SOX6: variants seen among roughly 807,000 people sequenced by gnomAD.
SOX6 encodes the protein SRY-box transcription factor 6.
SOX6 carries 11 observed loss-of-function variants against 97.8 expected under a neutral mutation model. The ratio of observed to expected loss-of-function variants is 0.11; its 90% confidence interval spans 0.07 to 0.19. The LOEUF (loss-of-function observed/expected upper bound fraction) is 0.19, where lower values mean the gene tolerates loss of function less well. SOX6 is among the 10% of genes least tolerant of loss of function. The probability of loss-of-function intolerance (pLI) is 1.00; values close to 1 mark genes in which losing one functional copy is unlikely to be tolerated. For synonymous variants in SOX6, 360 were observed against 371.4 expected, an observed-to-expected ratio of 0.97 and a Z score of 0.35; for missense variants, 810 against 1,039.5, an observed-to-expected ratio of 0.78 and a Z score of 3.04.
chr11:16,441,948 C>G (rs901403009), intron 1 of SOX6, among the ~76,000 whole-genome samples: 3 of 152,156 alleles, frequency 2.0e-5, no homozygotes, highest in African/African-American at 7.2e-5. Context: ...TTGGGTGCAA[C>G]AAACTTTAAA....
At chr11:16,243,055 C>G (rs560646835) in intron 3 of SOX6, among the ~76,000 whole-genome samples, 1 of 151,902 alleles carries the variant, frequency 6.6e-6, no homozygotes, top group African/African-American at 2.4e-5. Context: ...TTTTGACTTA[C>G]GAAAAACCCT....
At chr11:16,443,191 G>A (rs977602353) in intron 1 of SOX6, among the ~76,000 whole-genome samples, 24 of 151,964 alleles carry the variant, frequency 1.6e-4, no homozygotes, top group African/African-American at 5.3e-4. Context: ...CAGTTCTTCC[G>A]GACAAATTAC....
chr11:16,312,755 A>G (rs915719528), intron 3 of SOX6: 1 of 152,180 alleles, frequency 6.6e-6, no homozygotes, highest in Non-Finnish European at 1.5e-5. Flanking sequence ...TTTTTAAAGT[A>G]TTCATTTTCT....
chr11:16,738,085 C>G (rs1431252987), intron 1 of SOX6, among the ~76,000 whole-genome samples: 2 of 151,866 alleles, frequency 1.3e-5, no homozygotes, highest in African/African-American at 4.8e-5. Context: ...TCAACAACCG[C>G]CAATTAGCCA....
At chr11:16,656,275 AC>A (rs1260144871) in intron 3 of SOX6, among the ~76,000 whole-genome samples, 1 of 152,092 alleles carries the variant, frequency 6.6e-6, no homozygotes, top group Non-Finnish European at 1.5e-5. Flanking sequence ...ACAGGGTTTC[AC>A]CATGTTGGCC....
chr11:16,729,111 T>A (rs1487783858), intron 2 of SOX6, among the ~76,000 whole-genome samples: 1 of 152,206 alleles, frequency 6.6e-6, no homozygotes, highest in African/African-American at 2.4e-5. Flanking sequence ...TTGATGGGTG[T>A]ACCTGAAAGT....
intron 4 of SOX6, among the ~76,000 whole-genome samples, chr11:16,570,292 A>T (rs188249408): frequency 7.1e-4 from 108 of 152,264 alleles, no homozygotes; most frequent in African/African-American, 2.5e-3. Flanking sequence ...CCTGACATAC[A>T]GTCAGCAGCT....
chr11:16,149,269 T>A (rs1318605570), intron 6 of SOX6, among the ~76,000 whole-genome samples: 1 of 152,136 alleles, frequency 6.6e-6, no homozygotes, highest in Non-Finnish European at 1.5e-5. Flanking sequence ...AGTTATTTGC[T>A]GATTTTCCTA....
chr11:16,107,386 C>A (rs1849114161), intron 7 of SOX6, among the ~76,000 whole-genome samples: 1 of 143,170 alleles, frequency 7.0e-6, no homozygotes, highest in African/African-American at 2.7e-5. Flanking sequence ...GATCTGTATA[C>A]ATATATATGT....
chr11:16,245,688 G>A (rs1853315031), intron 3 of SOX6, among the ~76,000 whole-genome samples: 1 of 151,532 alleles, frequency 6.6e-6, no homozygotes, highest in African/African-American at 2.4e-5. Flanking sequence ...ATTATGAAAT[G>A]TCCTTCTTTA....
chr11:16,201,861 C>G (rs889758867), intron 4 of SOX6, among the ~76,000 whole-genome samples: 1 of 135,366 alleles, frequency 7.4e-6, no homozygotes, highest in Non-Finnish European at 1.5e-5. Context: ...TCTCGATCTC[C>G]TGACCTCGTG....
intron 12 of SOX6, among the ~76,000 whole-genome samples, chr11:16,040,255 C>T (rs1461670898): frequency 6.6e-6 from 1 of 151,988 alleles, no homozygotes; most frequent in Non-Finnish European, 1.5e-5. Flanking sequence ...TATAAATTCT[C>T]ACCATTTTTT....
chr11:16,297,739 G>A (rs1855140026), intron 3 of SOX6, among the ~76,000 whole-genome samples: 1 of 152,132 alleles, frequency 6.6e-6, no homozygotes, highest in African/African-American at 2.4e-5. Context: ...AGACAAGCAG[G>A]TTGTCTGAAT....
At chr11:16,634,539 A>G (rs1014543230) in intron 3 of SOX6, among the ~76,000 whole-genome samples, 1 of 152,162 alleles carries the variant, frequency 6.6e-6, no homozygotes, top group African/African-American at 2.4e-5. Context: ...ATTTATTTTA[A>G]TTTATTGTAT....
At chr11:16,383,825 G>A (rs1388902940) in intron 1 of SOX6, among the ~76,000 whole-genome samples, 1 of 151,936 alleles carries the variant, frequency 6.6e-6, no homozygotes, top group African/African-American at 2.4e-5. Flanking sequence ...TAATAAAAGA[G>A]TATGGGAGGA....
intron 9 of SOX6, among the ~76,000 whole-genome samples, chr11:16,060,423 G>A (rs917970419): frequency 2.6e-5 from 4 of 152,000 alleles, no homozygotes; most frequent in African/African-American, 7.2e-5. Flanking sequence ...CCTTTTCAAA[G>A]CTGAGTAAAC....
intron 4 of SOX6, among the ~76,000 whole-genome samples, chr11:16,574,492 A>C (rs1042207900): frequency 6.6e-6 from 1 of 152,170 alleles, no homozygotes; most frequent in Non-Finnish European, 1.5e-5. Context: ...CTTCAGGTGT[A>C]TTCAAGGTCA....
At chr11:16,371,384 T>G (rs1857490756) in intron 1 of SOX6, among the ~76,000 whole-genome samples, 1 of 152,122 alleles carries the variant, frequency 6.6e-6, no homozygotes, top group South Asian at 2.1e-4. Context: ...ACCTCCACCC[T>G]GGGTGCTCCC....
intron 3 of SOX6, among the ~76,000 whole-genome samples, chr11:16,252,126 A>T (rs1041859825): frequency 6.6e-6 from 1 of 152,206 alleles, no homozygotes; most frequent in African/African-American, 2.4e-5. Context: ...TCCTCTATGC[A>T]ATATTATCCT....
Sources: allele counts gnomAD v4.1 joint callset (sites outside exome capture counted in the v4.1 genomes callset), GRCh38; gene constraint gnomAD v4.1.1; transcripts MANE v1.5; gene names NCBI Gene and HGNC (gene_info 2026-07-23, HGNC 2026-07-21).